Variants in ARSK observed in about 807,000 individuals in gnomAD.
The protein encoded by ARSK is arylsulfatase K.
A neutral mutation model predicts 53.2 loss-of-function variants in ARSK; 37 were observed. The ratio of observed to expected loss-of-function variants is 0.70; its 90% CI spans 0.54 to 0.92. The LOEUF is 0.92. ARSK is among the 40% of genes least tolerant of loss of function. The probability of loss-of-function intolerance (pLI) is 0.00; values close to 1 mark genes in which losing one functional copy is unlikely to be tolerated. For missense variants in ARSK, 613 were observed against 643.0 expected (o/e 0.95, Z 0.51); for synonymous variants, 208 against 223.2 (o/e 0.93, Z 0.61).
At chr5:95,581,656 C>T (rs578115454) in intron 3 of ARSK, among the ~76,000 whole-genome samples, 8 of 152,310 alleles carry the variant, frequency 5.3e-5, no homozygotes, top group African/African-American at 1.9e-4. Context: ...AATCTGAGTT[C>T]TACCACACAT....
At position 95,586,542 on chromosome 5, in the gene ARSK, GT is replaced by G; in HGVS notation, c.700-14del. 1 of 1,595,012 alleles carries G rather than the reference GT, an allele frequency of 6.3e-7. No individual in the cohort carries two copies. Among genetic ancestry groups the G allele is most frequent in the Non-Finnish European group, 8.5e-7 (1 of 1,173,466 alleles). ...AGCACTATTTTGCTAGCATAACTAA[GT>G]TTTTTCTCCCCTTTTTAGGTGTCTC... On this transcript the variant is annotated intron_variant, in intron 4 of 7. Transcript: ENST00000380009.
At chr5:95,564,940 C>T (rs756120046) in intron 1 of ARSK, among the ~76,000 whole-genome samples, 9 of 152,128 alleles carry the variant, frequency 5.9e-5, no homozygotes, top group African/African-American at 1.2e-4. Flanking sequence ...AGTTTTATTT[C>T]GCCAAGATAG....
At chr5:95,560,596 A>G (rs1030758812) in intron 1 of ARSK, among the ~76,000 whole-genome samples, 3 of 152,118 alleles carry the variant, frequency 2.0e-5, no homozygotes, top group Non-Finnish European at 4.4e-5. Context: ...TTAATAGGGA[A>G]AGAATGATCT....
rs901096773 is a variant in ARSK at position 95,586,439 on chromosome 5, T to C, written c.700-123T>C. ...TTGATTTGCTATTTTATTTACATAT[T>C]TACACTGTTCTTTTCTACTATTCTA... is the stretch of plus-strand genomic sequence containing the variant. On this transcript the variant is annotated intron_variant, in intron 4 of 7. Coordinates refer to ENST00000380009, the MANE Select transcript of ARSK (RefSeq NM_198150.3). 6.1e-5 allele frequency: 46 copies of C among 753,596 alleles called. 1 individual carries two copies. The South Asian group carries it at 7.6e-4, about 12-fold the overall frequency. The allele number at this position is 753,596 out of a possible 1,614,324, so 46.7% of individuals were successfully genotyped here.
At chr5:95,588,702 G>A (rs538383333) in intron 5 of ARSK, among the ~76,000 whole-genome samples, 30 of 151,938 alleles carry the variant, frequency 2.0e-4, no homozygotes, top group African/African-American at 6.8e-4. Flanking sequence ...TGTGGCTCAC[G>A]CCTGTAATCC....
rs933431061 is a variant in ARSK at position 95,604,671 on chromosome 5, T to C, written c.*1145T>C. 1 of 152,212 alleles carries C rather than the reference T, an allele frequency of 6.6e-6. No individual in the cohort carries two copies. 9.4% of individuals were successfully genotyped at this position (152,212 alleles called of 1,614,324 possible). A position where few individuals can be genotyped will look rare whatever the true frequency, so the allele number is the denominator to read the frequency against. ...TACTAACTGATAATCTCACCATCAA[T>C]GCATGTCTTCTTATCCTTTGCCAAC... On this transcript the variant is annotated 3_prime_UTR_variant, in exon 8 of 8. Coordinates refer to ENST00000380009, the MANE Select transcript of ARSK (RefSeq NM_198150.3).
At position 95,563,973 on chromosome 5, in the gene ARSK, C is replaced by CTT. The variant is rs70978189; in HGVS notation, c.127-2004_127-2003dup. On this transcript the variant is annotated intron_variant, in intron 1 of 7. Transcript: ENST00000380009. ...AATTCTCATGAGGGAGGGCTATGCA[C>CTT]TTTTTTTTTTTTTTTTTTTTTTGAG... Among the ~76,000 whole-genome samples the CTT allele has an allele frequency of 4.3e-3, 531 of 123,904 alleles. 3 individuals are homozygous for CTT. Among genetic ancestry groups the CTT allele is most frequent in the African/African-American group, 6.6e-3 (219 of 33,360 alleles). The allele number at this position is 123,904 out of a possible 152,430, so 81.3% of individuals were successfully genotyped here.
chr5:95,560,944 A>C (rs370315164), intron 1 of ARSK, among the ~76,000 whole-genome samples: 1 of 151,760 alleles, frequency 6.6e-6, no homozygotes, highest in Non-Finnish European at 1.5e-5. Flanking sequence ...AGCTGGGACT[A>C]CAGGTGCCCG....
chr5:95,568,407 C>T (rs1470259293), intron 3 of ARSK, among the ~76,000 whole-genome samples: 1 of 152,072 alleles, frequency 6.6e-6, no homozygotes, highest in Non-Finnish European at 1.5e-5. Flanking sequence ...GGTCAGTTCT[C>T]TCTAACTTGA....
intron 7 of ARSK, 112 bp from the exon 8 acceptor site, chr5:95,603,125 C>T (rs1749431497): frequency 1.2e-6 from 1 of 822,382 alleles, no homozygotes; most frequent in African/African-American, 1.7e-5. Context: ...ACTACACTAA[C>T]AGGAACTGAA....
rs533002261 is a variant in ARSK at position 95,555,181 on chromosome 5, T to C, written c.-98T>C. The C allele has an allele frequency of 5.9e-6, 7 of 1,196,200 alleles. No individual in the cohort carries two copies. Among genetic ancestry groups the C allele is most frequent in the South Asian group, 5.1e-5 (4 of 78,962 alleles). 74.1% of individuals were successfully genotyped at this position (1,196,200 alleles called of 1,614,324 possible). A position where few individuals can be genotyped will look rare whatever the true frequency, so the allele number is the denominator to read the frequency against. On this transcript the variant is annotated 5_prime_UTR_variant, in exon 1 of 8. Transcript: ENST00000380009. This position sits in a 1 kb window ranked among gnomAD's most constrained non-coding sequence, Gnocchi z 4.0. ...CTATCAAGCAACCAAACTGCAAGCTTTGGGAGTTGTTCGCTGTCCCTGCCC... is the reference window on the plus strand; with the variant it reads ...CTATCAAGCAACCAAACTGCAAGCTCTGGGAGTTGTTCGCTGTCCCTGCCC...
intron 6 of ARSK, 184 bp from the exon 7 acceptor site, chr5:95,600,663 G>A: frequency 1.4e-6 from 1 of 703,638 alleles, no homozygotes; most frequent in African/African-American, 1.7e-5. Context: ...ATTACTTGCT[G>A]AAGTCCACAT....
chr5:95,582,970 C>T lies in ARSK; in HGVS notation c.471C>T (p.Gly157=). ...TTGCTTTCTTACTCAGACAAGAAGGCAGGCCCATGGTTAATCTTATCCGTA... is the reference window on the plus strand; with the variant it reads ...TTGCTTTCTTACTCAGACAAGAAGGTAGGCCCATGGTTAATCTTATCCGTA... ...RDVAFLLRQE[G]RPMVNLIRNR... is the part of the protein sequence containing the mutation. Residue 157 remains glycine, a synonymous_variant, in exon 4 of 8, where the codon GGC becomes GGT. Coordinates refer to ENST00000380009, the MANE Select transcript of ARSK (RefSeq NM_198150.3). 2 of 1,612,720 alleles carry T rather than the reference C, an allele frequency of 1.2e-6. No homozygotes were observed. Among genetic ancestry groups the T allele is most frequent in the Non-Finnish European group, 1.7e-6 (2 of 1,179,056 alleles).
Position 95,555,338 on chromosome 5 carries a change from A to G in ARSK, c.60A>G (p.Gly20=). ...AALALAVLAP[G]AGEQRRRAAK... is the part of the protein sequence containing the mutation. ...TGGCGCTGGCGGTACTGGCCCCCGG[A>G]GCAGGGGAGCAGAGGCGGAGAGCAG... Residue 20 remains glycine, a synonymous_variant, in exon 1 of 8, where the codon GGA becomes GGG. Transcript: ENST00000380009. The surrounding 1 kb of genome is among the most constrained non-coding windows in gnomAD (Gnocchi z 4.0). The G allele has an allele frequency of 6.2e-7, 1 of 1,609,342 alleles. No homozygotes were observed. Among genetic ancestry groups the G allele is most frequent in the Non-Finnish European group, 8.5e-7 (1 of 1,179,332 alleles).
At chr5:95,593,298 C>T (rs2112443817) in intron 6 of ARSK, among the ~76,000 whole-genome samples, 1 of 152,170 alleles carries the variant, frequency 6.6e-6, no homozygotes, top group South Asian at 2.1e-4. Flanking sequence ...GTGATTCTTT[C>T]TCCGTTTTTC....
chr5:95,591,712 T>C (rs1277138919), intron 6 of ARSK, 87 bp downstream of exon 6: 7 of 1,294,086 alleles, frequency 5.4e-6, no homozygotes, highest in Admixed American at 3.5e-5. Flanking sequence ...TTTCAGTTAG[T>C]AGTCAGAGGT....
At chr5:95,573,533 T>C (rs1028681834) in intron 3 of ARSK, among the ~76,000 whole-genome samples, 1 of 152,216 alleles carries the variant, frequency 6.6e-6, no homozygotes, top group Non-Finnish European at 1.5e-5. Flanking sequence ...CACAAAATTC[T>C]TCAGTGTCAT....
rs973137410 is a variant in ARSK at position 95,557,014 on chromosome 5, AAAAAAT to A, written c.126+1628_126+1633del. 9.9e-5 allele frequency: 15 copies of A among 151,976 alleles called. No individual in the cohort carries two copies. In the East Asian group the frequency reaches 1.9e-3, roughly 20 times the overall value. 9.4% of individuals were successfully genotyped at this position (151,976 alleles called of 1,614,324 possible). The stretch of plus-strand genomic sequence containing the variant: ...GACGGAGCGAGAGTCCGTCTCGAAA[AAAAAAT>A]AAAAATAAAAATAAAAAAATTTTTA... On this transcript the variant is annotated intron_variant, in intron 1 of 7. Coordinates refer to ENST00000380009, the MANE Select transcript of ARSK (RefSeq NM_198150.3).
chr5:95,570,989 G>GT (rs974287052), intron 3 of ARSK, among the ~76,000 whole-genome samples: 1 of 152,172 alleles, frequency 6.6e-6, no homozygotes, highest in African/African-American at 2.4e-5. Flanking sequence ...CACCATGTTG[G>GT]TCAGGCTGTT....
Sources: allele counts gnomAD v4.1 joint callset (sites outside exome capture counted in the v4.1 genomes callset), GRCh38; gene constraint gnomAD v4.1.1; non-coding constraint Gnocchi (gnomAD v3.1); transcripts MANE v1.5; gene names NCBI Gene and HGNC (gene_info 2026-07-23, HGNC 2026-07-21).